The following KCNQ2 variants were observed in gnomAD, a reference collection of about 807,000 sequenced individuals.
KCNQ2 encodes the protein potassium voltage-gated channel subfamily Q member 2.
In KCNQ2, 14 loss-of-function variants were observed where a neutral mutation model predicts 84.8. The observed-to-expected ratio is 0.17, with a 90% CI of 0.11 to 0.26. KCNQ2 has a LOEUF of 0.26. Ranked by LOEUF, KCNQ2 falls within the 10% of genes least tolerant of loss-of-function variation. The pLI is 1.00. For synonymous variants in KCNQ2, 599 were observed against 554.1 expected, an observed-to-expected ratio of 1.08 and a Z score of -1.14; for missense variants, 788 against 1,254.0, an observed-to-expected ratio of 0.63 and a Z score of 5.61.
intron 4 of KCNQ2, among the ~76,000 whole-genome samples, chr20:63,443,333 A>G (rs1206439685): frequency 7.8e-6 from 1 of 128,266 alleles, no homozygotes; most frequent in Non-Finnish European, 1.7e-5. Context: ...CACCATCACC[A>G]TCACCACCAT....
chr20:63,418,906 C>T (rs1384234528), intron 12 of KCNQ2, among the ~76,000 whole-genome samples: 1 of 152,214 alleles, frequency 6.6e-6, no homozygotes, highest in Non-Finnish European at 1.5e-5. Flanking sequence ...GCGGCATGCA[C>T]ATGCCAAGGA....
chr20:63,434,557 C>T, intron 7 of KCNQ2: 1 of 152,146 alleles, frequency 6.6e-6, no homozygotes, highest in East Asian at 1.9e-4. Context: ...CTCTTCGTCG[C>T]CCCCAAATAA....
intron 15 of KCNQ2, chr20:63,411,985 G>A: frequency 1.5e-6 from 1 of 653,774 alleles, no homozygotes. Flanking sequence ...CAACAGGGAG[G>A]CTCCGTCGAA....
intron 7 of KCNQ2, among the ~76,000 whole-genome samples, chr20:63,437,151 C>T (rs368125538): frequency 5.2e-4 from 79 of 152,264 alleles, no homozygotes; most frequent in South Asian, 3.1e-3. Context: ...GTATCTCTAC[C>T]GTAGTGGTCT....
chr20:63,408,375 C>A lies in KCNQ2; in HGVS notation c.1887+38G>T. ...ACAGGTTGACGGCAGGCACCACAGC[C>A]CTCCAGCCCCGCACCCCTCCCGCCC... On this transcript the variant is annotated intron_variant, in intron 16 of 16. Transcript: ENST00000359125. This position sits in a 1 kb window ranked among gnomAD's most constrained non-coding sequence, Gnocchi z 5.0. The A allele has an allele frequency of 6.2e-7, 1 of 1,600,940 alleles. No individual in the cohort carries two copies.
intron 5 of KCNQ2, among the ~76,000 whole-genome samples, chr20:63,440,224 C>T (rs1220686279): frequency 1.3e-5 from 2 of 152,030 alleles, no homozygotes; most frequent in Non-Finnish European, 2.9e-5. Flanking sequence ...AGCAGGGACC[C>T]CAGGGGTTGT....
intron 12 of KCNQ2, among the ~76,000 whole-genome samples, chr20:63,416,209 C>T (rs1444825657): frequency 2.0e-5 from 3 of 152,190 alleles, no homozygotes; most frequent in Admixed American, 6.5e-5. Flanking sequence ...CCGGCCCCCT[C>T]GGCCTGCGAG....
At chr20:63,423,940 C>T (rs1254379214) in intron 11 of KCNQ2, 3 of 553,360 alleles carry the variant, frequency 5.4e-6, no homozygotes, top group Admixed American at 3.4e-5. Context: ...CGCCCAGCTG[C>T]CCGGATCCAC....
chr20:63,444,181 C>T (rs1272972681), intron 4 of KCNQ2, among the ~76,000 whole-genome samples: 2 of 152,228 alleles, frequency 1.3e-5, no homozygotes, highest in Non-Finnish European at 2.9e-5. Flanking sequence ...GATGGGGTCT[C>T]GGTCACTGGG....
In KCNQ2 at chr20:63,467,515, T is replaced by A. The variant is rs369555758; in HGVS notation, c.296+4653A>T. ...ATGGGGCTGAGGCTAGCCCAGCTCC[T>A]GTGAGGCTATGGAATGTCACTCCTA... On this transcript the variant is annotated intron_variant, in intron 1 of 16. Coordinates refer to ENST00000359125, the MANE Select transcript of KCNQ2 (RefSeq NM_172107.4). Among the ~76,000 whole-genome samples the A allele has an allele frequency of 2.0e-5, 3 of 152,126 alleles. No homozygotes were observed. In the South Asian group the frequency reaches 6.2e-4, roughly 32 times the overall value.
rs372044135 is a variant in KCNQ2, at chr20:63,433,898, G to C, written c.1029C>G (p.Ala343=). 1 of 1,613,318 alleles carries C rather than the reference G, an allele frequency of 6.2e-7. No individual in the cohort carries two copies. Among genetic ancestry groups the C allele is most frequent in the African/African-American group, 1.3e-5 (1 of 74,916 alleles). ...AGAGGTTGGTGGCGTAGAATCTCCA[G>C]GCCGACTGCGGAGGGAAAGACAAGG... The part of the protein sequence containing the change: ...RNPAAGLIQS[A]WRFYATNLSR... Residue 343 remains alanine (A), a synonymous_variant, in exon 8 of 17, where the codon GCC becomes GCG. Transcript: ENST00000359125.
At position 63,445,736 on chromosome 20, in the gene KCNQ2, A is replaced by AGCTGGGAGGCCCTGTCTGG. The variant is rs2081397428; in HGVS notation, c.388-373_388-372insCCAGACAGGGCCTCCCAGC. ...TGTCTGAGCTGGGAGGCCCTGTCTG[A>AGCTGGGAGGCCCTGTCTGG]GCTGGGAGGCCCTGTCTGAGCTGGG... On this transcript the variant is annotated intron_variant, in intron 2 of 16. Coordinates refer to ENST00000359125, the MANE Select transcript of KCNQ2 (RefSeq NM_172107.4). 1.6e-4 allele frequency among the ~76,000 whole-genome samples: 20 copies of AGCTGGGAGGCCCTGTCTGG among 128,186 alleles called. 2 individuals are homozygous for AGCTGGGAGGCCCTGTCTGG. The South Asian group carries it at 4.2e-3, about 27-fold the overall frequency. 84.1% of individuals were successfully genotyped at this position (128,186 alleles called of 152,430 possible).
At chr20:63,443,992 A>G (rs1356316596) in intron 4 of KCNQ2, among the ~76,000 whole-genome samples, 1 of 152,242 alleles carries the variant, frequency 6.6e-6, no homozygotes, top group Non-Finnish European at 1.5e-5. Flanking sequence ...CACTGCAGTC[A>G]GCACTCAACC....
chr20:63,401,031 A>T lies in KCNQ2; in HGVS notation c.*5613T>A, dbSNP rs1264703316. ...ACGTGCCTGCCTGGTAGCCCCGGGG[A>T]CCGGCCCCTCCTTGCTGGCGCCTGG... is the stretch of plus-strand genomic sequence containing the variant. On this transcript the variant is annotated 3_prime_UTR_variant, in exon 17 of 17. Transcript: ENST00000359125. 1 of 396,158 alleles carries T rather than the reference A, an allele frequency of 2.5e-6. No individual in the cohort carries two copies. The highest frequency in any genetic ancestry group is 4.4e-6 in the Non-Finnish European group (1 of 225,074). The allele number at this position is 396,158 out of a possible 1,614,324, so 24.5% of individuals were successfully genotyped here.
At chr20:63,442,933 C>T (rs1278281276) in intron 4 of KCNQ2, among the ~76,000 whole-genome samples, 2 of 82,934 alleles carry the variant, frequency 2.4e-5, no homozygotes, top group Admixed American at 1.2e-4. Flanking sequence ...CCATCACCAT[C>T]ACCACCACCA....
chr20:63,449,905 T>C (rs1176828197), intron 1 of KCNQ2, among the ~76,000 whole-genome samples: 1 of 151,244 alleles, frequency 6.6e-6, no homozygotes, highest in Admixed American at 6.6e-5. Context: ...GTGGCAGCAA[T>C]TGGAGCACGT....
chr20:63,444,226 C>CA (rs1158640338), intron 4 of KCNQ2, among the ~76,000 whole-genome samples: 1 of 152,210 alleles, frequency 6.6e-6, no homozygotes, highest in Non-Finnish European at 1.5e-5. Flanking sequence ...CATGTGTGGC[C>CA]ACAGCCACCC....
intron 1 of KCNQ2, among the ~76,000 whole-genome samples, chr20:63,449,855 C>T (rs889407367): frequency 6.6e-6 from 1 of 152,080 alleles, no homozygotes; most frequent in Non-Finnish European, 1.5e-5. Context: ...ACCCCAGGCT[C>T]AGGCTCTGAG....
chr20:63,445,183 C>A lies in KCNQ2; in HGVS notation c.514+55G>T. 2.5e-6 allele frequency: 4 copies of A among 1,610,548 alleles called. No homozygotes were observed. In the South Asian group the frequency reaches 4.4e-5, roughly 18 times the overall value. Reference sequence around the variant, plus strand: ...GCCCCAGCTCCCCCCAGGGCTGAGTCCGTCCCTGGGTGCCTGGCCCTGATT... The same window carrying A: ...GCCCCAGCTCCCCCCAGGGCTGAGTACGTCCCTGGGTGCCTGGCCCTGATT... On this transcript the variant is annotated intron_variant, in intron 3 of 16. Transcript: ENST00000359125.
Sources: gnomAD v4.1 joint callset for allele counts (sites outside exome capture counted in the v4.1 genomes callset) on GRCh38, gnomAD v4.1.1 for gene constraint, Gnocchi (gnomAD v3.1) non-coding constraint, MANE v1.5 for transcripts, NCBI Gene and HGNC (gene_info 2026-07-23, HGNC 2026-07-21) for gene names.